ZDHHC17: variants seen among roughly 807,000 people sequenced by gnomAD.
ZDHHC17 encodes zDHHC palmitoyltransferase 17, also known as palmitoyltransferase ZDHHC17.
In ZDHHC17, 40 loss-of-function variants were observed where a neutral mutation model predicts 90.3. The ratio of observed to expected loss-of-function variants is 0.44; its 90% CI spans 0.34 to 0.58. ZDHHC17 has a LOEUF of 0.58. ZDHHC17 is among the 20% of genes least tolerant of loss of function. ZDHHC17 has a pLI of 0.01. For missense variants in ZDHHC17, 614 were observed against 780.8 expected (o/e 0.79, Z 2.55); for synonymous variants, 235 against 252.4 (o/e 0.93, Z 0.65).
intron 10 of ZDHHC17, among the ~76,000 whole-genome samples, chr12:76,835,564 C>A (rs1438664695): frequency 2.0e-5 from 3 of 151,598 alleles, no homozygotes; most frequent in Non-Finnish European, 4.4e-5. Context: ...CTGTTTGTGT[C>A]TGGGTTATAG....
chr12:76,821,128 T>C, intron 7 of ZDHHC17: 1 of 1,285,904 alleles, frequency 7.8e-7, no homozygotes, highest in Non-Finnish European at 1.0e-6. Context: ...CTGCAGGATA[T>C]TCCCGGGGAG....
In ZDHHC17 at chr12:76,815,996, A is replaced by T; in HGVS notation, c.748A>T (p.Asn250Tyr). 1.9e-6 allele frequency: 3 copies of T among 1,559,008 alleles called. No individual in the cohort carries two copies. The highest frequency in any genetic ancestry group is 2.6e-6 in the Non-Finnish European group (3 of 1,153,154). The change falls in exon 7 of 17, where the codon AAT (asparagine) becomes TAT (tyrosine). Residue 250 changes from asparagine (N) to tyrosine (Y), a missense_variant. Physicochemically the swap from Asn to Tyr is moderately radical, Grantham distance 143. Coordinates refer to ENST00000426126, the MANE Select transcript of ZDHHC17 (RefSeq NM_015336.4). ...VISLLLEAGA[N>Y]VDAQNIKGES... ...TAGCCTTCTTCTGGAAGCTGGAGCTAATGTTGATGCCCAGAATATCAAGGT... is the reference window on the plus strand; with the variant it reads ...TAGCCTTCTTCTGGAAGCTGGAGCTTATGTTGATGCCCAGAATATCAAGGT...
intron 1 of ZDHHC17, among the ~76,000 whole-genome samples, chr12:76,797,232 C>T (rs559673442): frequency 1.3e-5 from 2 of 152,174 alleles, no homozygotes; most frequent in African/African-American, 4.8e-5. Flanking sequence ...CACTGCACTC[C>T]AGCCTGGGTG....
chr12:76,781,133 CAAA>C (rs33935444), intron 1 of ZDHHC17, among the ~76,000 whole-genome samples: 1 of 92,386 alleles, frequency 1.1e-5, no homozygotes, highest in Non-Finnish European at 2.0e-5. Flanking sequence ...GACTCCGTCT[CAAA>C]AAAAAAAAAA....
chr12:76,810,070 G>GT (rs1164959524), intron 5 of ZDHHC17, among the ~76,000 whole-genome samples: 1 of 152,028 alleles, frequency 6.6e-6, no homozygotes, highest in Non-Finnish European at 1.5e-5. Context: ...ATGAAGTTGG[G>GT]TTTTTTATTT....
In ZDHHC17 at chr12:76,826,653, A is replaced by G. The variant is rs115789984; in HGVS notation, c.898-255A>G. Among the ~76,000 whole-genome samples the G allele has an allele frequency of 8.1e-3, 1,230 of 152,256 alleles. 11 individuals carry two copies. Among genetic ancestry groups the G allele is most frequent in the African/African-American group, 0.029 (1,184 of 41,530 alleles). ...TGTTAAGCAGGTAGTACTGTCTTCT[A>G]TATTTAACCATATAGAACCAACTGC... On this transcript the variant is annotated intron_variant, in intron 8 of 16. Coordinates refer to ENST00000426126, the MANE Select transcript of ZDHHC17 (RefSeq NM_015336.4).
intron 2 of ZDHHC17, among the ~76,000 whole-genome samples, chr12:76,801,306 G>A (rs563244993): frequency 4.9e-4 from 74 of 150,248 alleles, no homozygotes; most frequent in African/African-American, 1.7e-3. Flanking sequence ...CATTCCTTTC[G>A]TGTATGTCCT....
At chr12:76,824,426 AG>A (rs1164117282) in intron 8 of ZDHHC17, among the ~76,000 whole-genome samples, 1 of 152,144 alleles carries the variant, frequency 6.6e-6, no homozygotes, top group East Asian at 1.9e-4. Context: ...TATGATGATT[AG>A]GGGACCTGTG....
chr12:76,836,343 A>G (rs891816204), intron 10 of ZDHHC17, among the ~76,000 whole-genome samples: 1 of 151,684 alleles, frequency 6.6e-6, no homozygotes, highest in Non-Finnish European at 1.5e-5. Flanking sequence ...TCAATTGTAT[A>G]TATATATATA....
intron 7 of ZDHHC17, 128 bp downstream of exon 7, chr12:76,816,147 CACATTA>C: frequency 3.3e-6 from 2 of 609,756 alleles, no homozygotes; most frequent in Non-Finnish European, 5.1e-6. Context: ...ACAGTTAAAC[CACATTA>C]TGCATAATAC....
At chr12:76,770,094 A>G (rs1337572182) in intron 1 of ZDHHC17, among the ~76,000 whole-genome samples, 1 of 152,174 alleles carries the variant, frequency 6.6e-6, no homozygotes, top group African/African-American at 2.4e-5. Flanking sequence ...TTTCCAAACT[A>G]AAATGGGGGT....
intron 1 of ZDHHC17, among the ~76,000 whole-genome samples, chr12:76,767,478 T>C (rs1319206532): frequency 6.6e-6 from 1 of 152,242 alleles, no homozygotes; most frequent in African/African-American, 2.4e-5. Context: ...AAGATAATCT[T>C]ACTTTTTAAT....
chr12:76,764,831 C>T (rs1445021132), intron 1 of ZDHHC17: 1 of 456,486 alleles, frequency 2.2e-6, no homozygotes, highest in Admixed American at 2.3e-5. Flanking sequence ...ATGGGTAGCA[C>T]CTCGGGCACC....
intron 10 of ZDHHC17, among the ~76,000 whole-genome samples, chr12:76,838,894 C>T (rs1425235727): frequency 6.6e-6 from 1 of 152,082 alleles, no homozygotes; most frequent in Non-Finnish European, 1.5e-5. Context: ...AATGATATAC[C>T]AGAGACTAGG....
chr12:76,831,450 A>C (rs1388362343), intron 10 of ZDHHC17, among the ~76,000 whole-genome samples: 1 of 152,150 alleles, frequency 6.6e-6, no homozygotes, highest in Non-Finnish European at 1.5e-5. Context: ...TTCCAGGTTC[A>C]CATGATTCTC....
intron 12 of ZDHHC17, chr12:76,843,900 T>C (rs1953463951): frequency 6.6e-6 from 1 of 152,134 alleles, no homozygotes; most frequent in South Asian, 2.1e-4. Context: ...TAATATTCTT[T>C]GACCAGTTAT....
At chr12:76,771,520 T>C (rs944623861) in intron 1 of ZDHHC17, among the ~76,000 whole-genome samples, 11 of 152,212 alleles carry the variant, frequency 7.2e-5, no homozygotes, top group Admixed American at 2.6e-4. Context: ...TAACAGTACC[T>C]GAGACATTTT....
chr12:76,796,257 C>G (rs1565774811), intron 1 of ZDHHC17, among the ~76,000 whole-genome samples: 2 of 152,016 alleles, frequency 1.3e-5, no homozygotes, highest in Admixed American at 1.3e-4. Context: ...TATGATTTAT[C>G]CTTTTATTTA....
At chr12:76,789,779 A>G (rs1450924345) in intron 1 of ZDHHC17, among the ~76,000 whole-genome samples, 1 of 152,212 alleles carries the variant, frequency 6.6e-6, no homozygotes, top group Admixed American at 6.5e-5. Context: ...TAGTAATGAG[A>G]AAAACGTCAA....
Sources: allele counts gnomAD v4.1 joint callset (sites outside exome capture counted in the v4.1 genomes callset), GRCh38; gene constraint gnomAD v4.1.1; transcripts MANE v1.5; gene names NCBI Gene and HGNC (gene_info 2026-07-23, HGNC 2026-07-21).